The following SPTAN1 variants were observed in gnomAD, a reference collection of about 807,000 sequenced individuals.
SPTAN1 encodes spectrin alpha chain, non-erythrocytic 1.
SPTAN1 carries 61 observed loss-of-function variants against 331.3 expected under a neutral mutation model. The ratio of observed to expected loss-of-function variants is 0.18; its 90% CI spans 0.15 to 0.23. The LOEUF (loss-of-function observed/expected upper bound fraction) is 0.23. Among genes scored for constraint, SPTAN1 ranks in the 10% least tolerant of loss-of-function variants. The pLI is 1.00. For missense variants in SPTAN1, 2,043 were observed against 3,147.9 expected, an observed-to-expected ratio of 0.65 and a Z score of 8.40; for synonymous variants, 1,153 against 1,173.9, an observed-to-expected ratio of 0.98 and a Z score of 0.36.
At chr9:128,565,027 G>A (rs939819420) in intron 1 of SPTAN1, among the ~76,000 whole-genome samples, 13 of 152,168 alleles carry the variant, frequency 8.5e-5, no homozygotes, top group Non-Finnish European at 1.6e-4. Flanking sequence ...GCCATAGGTC[G>A]GGGGCAGTGG....
chr9:128,624,624 A>C, intron 46 of SPTAN1, 137 bp downstream of exon 46: 1 of 1,105,744 alleles, frequency 9.0e-7, no homozygotes, highest in Non-Finnish European at 1.3e-6. Flanking sequence ...AGGGCAGACC[A>C]CTGACTGCCA....
intron 44 of SPTAN1, 52 bp downstream of exon 44, chr9:128,619,055 C>T: frequency 6.2e-7 from 1 of 1,611,542 alleles, no homozygotes; most frequent in South Asian, 1.1e-5. Flanking sequence ...CAACTGCCTG[C>T]TGGTCATCAT....
At chr9:128,599,162 T>C in intron 26 of SPTAN1, 176 bp downstream of exon 26, 1 of 697,530 alleles carries the variant, frequency 1.4e-6, no homozygotes, top group Non-Finnish European at 2.6e-6. Flanking sequence ...TGAGACGGAG[T>C]CTCACTCTGT....
At position 128,627,022 on chromosome 9, in the gene SPTAN1, A is replaced by G. The variant is rs1014874250; in HGVS notation, c.6576+335A>G. ...TAGACAGGGTGTTGCTATGTTGCCC[A>G]GGCTGGTCTTCAACTCCTGGCCTCA... On this transcript the variant is annotated intron_variant, in intron 49 of 56. Transcript: ENST00000372739. The surrounding 1 kb of genome is among the most constrained non-coding windows in gnomAD (Gnocchi z 4.9). The G allele has an allele frequency of 5.5e-6, 3 of 547,656 alleles. No homozygotes were observed. The highest frequency in any genetic ancestry group is 2.2e-5 in the Admixed American group (1 of 45,140). 33.9% of individuals were successfully genotyped at this position (547,656 alleles called of 1,614,324 possible). A position where few individuals can be genotyped will look rare whatever the true frequency, so the allele number is the denominator to read the frequency against.
chr9:128,555,469 G>A (rs571634565), intron 1 of SPTAN1: 1 of 1,202,258 alleles, frequency 8.3e-7, no homozygotes, highest in Non-Finnish European at 1.1e-6. Context: ...AGGCATATTC[G>A]TGTCAAAGAG....
chr9:128,626,383 G>T lies in SPTAN1; in HGVS notation c.6280-8G>T. The T allele has an allele frequency of 6.2e-7, 1 of 1,613,460 alleles. No individual in the cohort carries two copies. Among genetic ancestry groups the T allele is most frequent in the Non-Finnish European group, 8.5e-7 (1 of 1,180,026 alleles). On this transcript the variant is annotated splice_polypyrimidine_tract_variant and splice_region_variant and intron_variant, in intron 48 of 56. Transcript: ENST00000372739. ...CGACTCCGCCAACTCAGTCTCTTCT[G>T]CTTCCAGGTGGAGGACCTCTTCCTG...
At chr9:128,586,036 G>A (rs1852567788) in intron 19 of SPTAN1, 71 bp downstream of exon 19, 5 of 1,373,982 alleles carry the variant, frequency 3.6e-6, no homozygotes, top group Non-Finnish European at 4.1e-6. Flanking sequence ...AGGAAGTTAG[G>A]AGAAGTAGTG....
intron 1 of SPTAN1, 34 bp from the exon 2 acceptor site, chr9:128,566,704 T>C (rs767431284): frequency 1.4e-5 from 22 of 1,613,768 alleles, no homozygotes; most frequent in African/African-American, 1.2e-4. Context: ...TTGGTGCCTA[T>C]TGGTACTTAT....
rs1182710197 is a variant in SPTAN1, at chr9:128,627,785, G to A, written c.6690-140G>A. 11 of 1,106,108 alleles carry A rather than the reference G, an allele frequency of 9.9e-6. No homozygotes were observed. The highest frequency in any genetic ancestry group is 1.5e-5 in the African/African-American group (1 of 65,110). The allele number at this position is 1,106,108 out of a possible 1,614,324, so 68.5% of individuals were successfully genotyped here. On this transcript the variant is annotated intron_variant, in intron 50 of 56. Coordinates refer to ENST00000372739, the MANE Select transcript of SPTAN1 (RefSeq NM_001130438.3). The surrounding 1 kb of genome is among the most constrained non-coding windows in gnomAD (Gnocchi z 4.9). The stretch of plus-strand genomic sequence containing the variant: ...CCCCAGCCATGACTTGGTGACAGAC[G>A]ATGCAGGGTCTGTGCGTTGGGTACT...
In SPTAN1 at chr9:128,578,119, C is replaced by A; in HGVS notation, c.1095C>A (p.Arg365=). ...ARLNDSYRLQ[R]FLADFRDLTS... is the part of the protein sequence containing the mutation. ...CTTTGGTTTTCCCTAGGCTTCAACG[C>A]TTCCTTGCTGACTTCCGTGACCTCA... Residue 365 remains arginine (R), a synonymous_variant, in exon 9 of 57, where the codon CGC becomes CGA. Coordinates refer to ENST00000372739, the MANE Select transcript of SPTAN1 (RefSeq NM_001130438.3). The A allele has an allele frequency of 6.2e-7, 1 of 1,614,158 alleles. No homozygotes were observed. Among genetic ancestry groups the A allele is most frequent in the Non-Finnish European group, 8.5e-7 (1 of 1,180,034 alleles).
At chr9:128,560,380 G>A (rs918394205) in intron 1 of SPTAN1, among the ~76,000 whole-genome samples, 3 of 137,966 alleles carry the variant, frequency 2.2e-5, no homozygotes, top group East Asian at 2.1e-4. Flanking sequence ...CACCGTGCCC[G>A]CCTTTTTTTT....
intron 24 of SPTAN1, among the ~76,000 whole-genome samples, chr9:128,595,146 A>G (rs922031770): frequency 2.0e-5 from 3 of 151,592 alleles, no homozygotes; most frequent in African/African-American, 7.3e-5. Context: ...GTCTCACTCT[A>G]TCACCCAGGC....
chr9:128,559,340 G>A (rs778023109), intron 1 of SPTAN1, among the ~76,000 whole-genome samples: 4 of 152,148 alleles, frequency 2.6e-5, no homozygotes, highest in Non-Finnish European at 5.9e-5. Context: ...CAAGCAGGGG[G>A]ACTTGCTCAG....
At chr9:128,560,595 G>A (rs952154083) in intron 1 of SPTAN1, among the ~76,000 whole-genome samples, 3 of 145,110 alleles carry the variant, frequency 2.1e-5, no homozygotes, top group African/African-American at 5.1e-5. Flanking sequence ...TGGCCAGGCT[G>A]TTCTCAAACT....
chr9:128,592,389 C>T (rs1853653017), intron 22 of SPTAN1, among the ~76,000 whole-genome samples: 1 of 151,940 alleles, frequency 6.6e-6, no homozygotes, highest in South Asian at 2.1e-4. Context: ...ATTCTCCTGC[C>T]TCAGCCTCCC....
In SPTAN1 at chr9:128,628,358, G is replaced by T. The variant is rs544952934; in HGVS notation, c.6707+416G>T. 11 of 373,926 alleles carry T rather than the reference G, an allele frequency of 2.9e-5. No homozygotes were observed. The Admixed American group carries it at 4.0e-4, about 14-fold the overall frequency. 23.2% of individuals were successfully genotyped at this position (373,926 alleles called of 1,614,324 possible). A position where few individuals can be genotyped will look rare whatever the true frequency, so the allele number is the denominator to read the frequency against. On this transcript the variant is annotated intron_variant, in intron 51 of 56. Transcript: ENST00000372739. ...GGCATGAAGCAGATGGCAGTGCTGG[G>T]GGCTCAGGCAGGGTACAGTAAGTCC...
At chr9:128,574,633 G>A (rs1017406868) in intron 3 of SPTAN1, 42 bp from the exon 4 acceptor site, 5 of 1,613,582 alleles carry the variant, frequency 3.1e-6, no homozygotes, top group Non-Finnish European at 3.4e-6. Flanking sequence ...ATCCCACAGA[G>A]CCAGTTGTGA....
In SPTAN1 at chr9:128,560,875, G is replaced by T. The variant is rs553540351; in HGVS notation, c.-3-5863G>T. 6.6e-5 allele frequency among the ~76,000 whole-genome samples: 10 copies of T among 151,886 alleles called. No homozygotes were observed. In the South Asian group the frequency reaches 1.9e-3, roughly 28 times the overall value. ...CTACAAAAGTACAAAAATTAGTCGC[G>T]TGTGGTGGCGGGTGCCTGTAATCCC... On this transcript the variant is annotated intron_variant, in intron 1 of 56. Transcript: ENST00000372739.
At chr9:128,591,298 C>T (rs1452231544) in intron 21 of SPTAN1, among the ~76,000 whole-genome samples, 179 bp from the exon 22 acceptor site, 3 of 152,010 alleles carry the variant, frequency 2.0e-5, no homozygotes, top group Non-Finnish European at 4.4e-5. Context: ...CATCTCCTGA[C>T]CTCGTAATCC....
Sources: allele counts gnomAD v4.1 joint callset (sites outside exome capture counted in the v4.1 genomes callset), GRCh38; gene constraint gnomAD v4.1.1; non-coding constraint Gnocchi (gnomAD v3.1); transcripts MANE v1.5; gene names NCBI Gene and HGNC (gene_info 2026-07-23, HGNC 2026-07-21).